Variants in ARHGAP15 observed in about 807,000 individuals in gnomAD.
The protein encoded by ARHGAP15 is Rho GTPase activating protein 15, also known as rho GTPase-activating protein 15.
A neutral mutation model predicts 63.7 loss-of-function variants in ARHGAP15; 51 were observed. The observed-to-expected ratio is 0.80, with a 90% CI of 0.64 to 1.01. The LOEUF (loss-of-function observed/expected upper bound fraction) is 1.01, where lower values mean the gene tolerates loss of function less well. ARHGAP15 is among the 50% of genes least tolerant of loss of function. The pLI is 0.00. For missense variants in ARHGAP15, 560 were observed against 564.6 expected, an observed-to-expected ratio of 0.99 and a Z score of 0.08; for synonymous variants, 191 against 193.8, an observed-to-expected ratio of 0.99 and a Z score of 0.12.
chr2:143,350,663 A>T (rs6747269), intron 6 of ARHGAP15, among the ~76,000 whole-genome samples: 5 of 86,646 alleles, frequency 5.8e-5, no homozygotes, highest in East Asian at 2.7e-4. Context: ...ATTAAAAATT[A>T]AAAAAAAAAA....
intron 11 of ARHGAP15, among the ~76,000 whole-genome samples, chr2:143,575,254 T>A (rs1416701775): frequency 6.6e-6 from 1 of 152,184 alleles, no homozygotes; most frequent in Non-Finnish European, 1.5e-5. Flanking sequence ...TTTTCAAATT[T>A]CTCCATTGGA....
intron 6 of ARHGAP15, among the ~76,000 whole-genome samples, chr2:143,353,046 T>C (rs1685641106): frequency 6.6e-6 from 1 of 152,174 alleles, no homozygotes; most frequent in African/African-American, 2.4e-5. Flanking sequence ...AATAACACTT[T>C]ATAAACAATT....
intron 13 of ARHGAP15, among the ~76,000 whole-genome samples, chr2:143,726,047 C>T (rs1169180078): frequency 2.6e-5 from 4 of 152,144 alleles, no homozygotes; most frequent in African/African-American, 9.7e-5. Flanking sequence ...TGCAGTTTTG[C>T]TGTGGGAAGA....
intron 6 of ARHGAP15, among the ~76,000 whole-genome samples, chr2:143,349,061 T>C (rs1354217281): frequency 6.6e-6 from 1 of 152,198 alleles, no homozygotes; most frequent in Non-Finnish European, 1.5e-5. Context: ...AAATATAACA[T>C]GTCAAAGGAC....
intron 13 of ARHGAP15, among the ~76,000 whole-genome samples, chr2:143,719,969 A>C (rs1684975385): frequency 6.6e-6 from 1 of 152,176 alleles, no homozygotes; most frequent in Non-Finnish European, 1.5e-5. Flanking sequence ...TACACCCTAT[A>C]ATAAGTTAGA....
At chr2:143,506,503 TTTCTA>T (rs1292638809) in intron 9 of ARHGAP15, among the ~76,000 whole-genome samples, 1 of 152,184 alleles carries the variant, frequency 6.6e-6, no homozygotes, top group Non-Finnish European at 1.5e-5. Flanking sequence ...CATGGACAGT[TTTCTA>T]TTCAAAGTAT....
intron 6 of ARHGAP15, among the ~76,000 whole-genome samples, chr2:143,407,561 G>A (rs763539279): frequency 2.6e-5 from 4 of 151,698 alleles, no homozygotes; most frequent in African/African-American, 7.3e-5. Flanking sequence ...ACCCTGGGAT[G>A]TTCTTCATGT....
intron 6 of ARHGAP15, among the ~76,000 whole-genome samples, chr2:143,345,473 C>T (rs1685228897): frequency 6.6e-6 from 1 of 152,086 alleles, no homozygotes; most frequent in South Asian, 2.1e-4. Flanking sequence ...CTGAACCCCA[C>T]CCCAACCCCT....
chr2:143,206,229 G>A (rs933042030), intron 3 of ARHGAP15, among the ~76,000 whole-genome samples: 5 of 152,046 alleles, frequency 3.3e-5, no homozygotes, highest in Non-Finnish European at 5.9e-5. Flanking sequence ...GATTGTAAAT[G>A]TCTTGAAGTT....
intron 12 of ARHGAP15, among the ~76,000 whole-genome samples, chr2:143,639,289 G>C (rs1479965725): frequency 6.6e-6 from 1 of 152,062 alleles, no homozygotes; most frequent in Admixed American, 6.6e-5. Flanking sequence ...GTTTACTTAA[G>C]ACTTCCATCT....
At chr2:143,746,119 A>G (rs1461107747) in intron 13 of ARHGAP15, among the ~76,000 whole-genome samples, 1 of 152,182 alleles carries the variant, frequency 6.6e-6, no homozygotes, top group Non-Finnish European at 1.5e-5. Context: ...TTCTGTATAT[A>G]TTATTTGGAT....
At chr2:143,495,095 C>G (rs758975528) in intron 9 of ARHGAP15, among the ~76,000 whole-genome samples, 3 of 152,120 alleles carry the variant, frequency 2.0e-5, no homozygotes, top group Non-Finnish European at 4.4e-5. Flanking sequence ...ATGATATATG[C>G]GAAAATGGTG....
chr2:143,386,410 T>G (rs550292231), intron 6 of ARHGAP15, among the ~76,000 whole-genome samples: 3 of 152,026 alleles, frequency 2.0e-5, no homozygotes, highest in Admixed American at 2.0e-4. Flanking sequence ...CAAATGCCAG[T>G]GGGGGGAAAA....
At chr2:143,212,561 T>G (rs1316694367) in intron 3 of ARHGAP15, among the ~76,000 whole-genome samples, 1 of 152,144 alleles carries the variant, frequency 6.6e-6, no homozygotes, top group Admixed American at 6.6e-5. Flanking sequence ...GCAAGTAGTA[T>G]CCTAAACTTA....
At chr2:143,723,854 A>G (rs1685167406) in intron 13 of ARHGAP15, among the ~76,000 whole-genome samples, 1 of 152,176 alleles carries the variant, frequency 6.6e-6, no homozygotes, top group Non-Finnish European at 1.5e-5. Flanking sequence ...CCAGTTGCCA[A>G]TTTAATTAGA....
At chr2:143,628,418 C>T (rs956929382) in intron 12 of ARHGAP15, among the ~76,000 whole-genome samples, 2 of 152,128 alleles carry the variant, frequency 1.3e-5, no homozygotes, top group African/African-American at 4.8e-5. Flanking sequence ...CTTACATGTG[C>T]TCTTGAGATG....
At chr2:143,667,582 T>TAAAAAAAAAAAAAAAA (rs71338146) in intron 12 of ARHGAP15, among the ~76,000 whole-genome samples, 1 of 138,950 alleles carries the variant, frequency 7.2e-6, no homozygotes, top group Admixed American at 7.2e-5. Flanking sequence ...TAAAAAAAAT[T>TAAAAAAAAAAAAAAAA]AAAAAAAAAA....
In ARHGAP15 at chr2:143,624,191, A is replaced by G. The variant is rs763680798; in HGVS notation, c.1062A>G (p.Ala354=). The change falls in exon 12 of 14, where the codon GCA becomes GCG. Residue 354 remains alanine (A), a synonymous_variant. Transcript: ENST00000295095. ...AGGACATCCACGTTGTCACCGGAGC[A>G]CTGAAGATGTTTTTCCGGGAGCTGC... The part of the protein sequence containing the change: ...QWEDIHVVTG[A]LKMFFRELPE... 13 of 1,613,574 alleles carry G rather than the reference A, an allele frequency of 8.1e-6. No individual in the cohort carries two copies. Among genetic ancestry groups the G allele is most frequent in the South Asian group, 1.1e-5 (1 of 91,046 alleles).
intron 8 of ARHGAP15, among the ~76,000 whole-genome samples, chr2:143,452,603 T>G (rs1333946239): frequency 6.6e-6 from 1 of 151,934 alleles, no homozygotes; most frequent in Non-Finnish European, 1.5e-5. Flanking sequence ...GTGTAACTTT[T>G]TGTGTGCTGA....
Sources: gnomAD v4.1 joint callset for allele counts (sites outside exome capture counted in the v4.1 genomes callset) on GRCh38, gnomAD v4.1.1 for gene constraint, MANE v1.5 for transcripts, NCBI Gene and HGNC (gene_info 2026-07-23, HGNC 2026-07-21) for gene names.